GBP5: variants seen among roughly 807,000 people sequenced by gnomAD.
GBP5 encodes guanylate-binding protein 5.
Under a neutral mutation model 58.2 loss-of-function variants are expected in GBP5, and 48 were observed. The ratio of observed to expected loss-of-function variants is 0.83; its 90% CI spans 0.65 to 1.05. GBP5 has a LOEUF of 1.05. Ranked by LOEUF, GBP5 falls within the 50% of genes least tolerant of loss-of-function variation. The pLI is 0.00. For synonymous variants in GBP5, 248 were observed against 251.8 expected (o/e 0.98, Z 0.14); for missense variants, 714 against 686.8 (o/e 1.04, Z -0.44).
intron 11 of GBP5, 135 bp downstream of exon 11, chr1:89,262,085 T>G: frequency 2.5e-6 from 2 of 786,102 alleles, no homozygotes; most frequent in Non-Finnish European, 2.1e-6. Flanking sequence ...GAGGTGGAGC[T>G]TGGATTCATA....
chr1:89,267,179 C>A (rs1386865506), intron 5 of GBP5, 26 bp from the exon 6 acceptor site: 3 of 1,550,428 alleles, frequency 1.9e-6, no homozygotes, highest in Admixed American at 2.1e-5. Context: ...AGAAAACTGG[C>A]AGAAATAGGA....
At chr1:89,271,107 G>A (rs1650430169) in intron 1 of GBP5, 1 of 152,150 alleles carries the variant, frequency 6.6e-6, no homozygotes, top group Admixed American at 6.5e-5. Flanking sequence ...AAACATTATT[G>A]CAGATTTAAT....
chr1:89,262,518 T>C, intron 10 of GBP5, 117 bp from the exon 11 acceptor site: 1 of 1,020,488 alleles, frequency 9.8e-7, no homozygotes. Context: ...GTTTTTCCCT[T>C]CCAGGTAACC....
In GBP5 at chr1:89,262,420, TC is replaced by T; in HGVS notation, c.1466-20del. 1 of 1,607,024 alleles carries T rather than the reference TC, an allele frequency of 6.2e-7. No individual in the cohort carries two copies. The highest frequency in any genetic ancestry group is 8.5e-7 in the Non-Finnish European group (1 of 1,175,020). ...TGTGCCTCTGAGGAGAAAAAGATAA[TC>T]TTCTCTAGGATTAATGTGCCTCTTC... On this transcript the variant is annotated intron_variant, in intron 10 of 11. Transcript: ENST00000370459.
chr1:89,265,712 A>G (rs1037384365), intron 7 of GBP5, among the ~76,000 whole-genome samples: 11 of 133,248 alleles, frequency 8.3e-5, no homozygotes, highest in African/African-American at 3.3e-4. Flanking sequence ...TGGGCAACAG[A>G]GGGAGACTCC....
At position 89,269,635 on chromosome 1, in the gene GBP5, G is replaced by A. The variant is rs1032824756; in HGVS notation, c.-19-61C>T. ...GGTGTTTGTTTAATAAGCAAAGGAA[G>A]TCATTTTGCTTACTGAACCTGGGGA... is the stretch of plus-strand genomic sequence containing the variant. On this transcript the variant is annotated intron_variant, in intron 2 of 11. Coordinates refer to ENST00000370459, the MANE Select transcript of GBP5 (RefSeq NM_052942.5). 77 of 1,172,832 alleles carry A rather than the reference G, an allele frequency of 6.6e-5. 1 individual carries two copies. The highest frequency in any genetic ancestry group is 8.4e-5 in the Non-Finnish European group (68 of 806,400). 72.7% of individuals were successfully genotyped at this position (1,172,832 alleles called of 1,614,324 possible).
At chr1:89,263,590 T>A in intron 9 of GBP5, 146 bp downstream of exon 9, 1 of 592,016 alleles carries the variant, frequency 1.7e-6, no homozygotes, top group Non-Finnish European at 3.0e-6. Flanking sequence ...TGTTTTTCCA[T>A]AAATGCTTAT....
chr1:89,269,680 G>A, intron 2 of GBP5, 106 bp from the exon 3 acceptor site: 1 of 643,216 alleles, frequency 1.6e-6, no homozygotes, highest in Non-Finnish European at 2.6e-6. Flanking sequence ...CCCCAGCACT[G>A]CCTAAGTTTC....
At position 89,262,678 on chromosome 1, in the gene GBP5, C is replaced by G; in HGVS notation, c.1465+5G>C. 6.3e-7 allele frequency: 1 copy of G among 1,574,888 alleles called. No individual in the cohort carries two copies. Among genetic ancestry groups the G allele is most frequent in the Non-Finnish European group, 8.7e-7 (1 of 1,145,498 alleles). On this transcript the variant is annotated splice_donor_5th_base_variant and intron_variant, in intron 10 of 11. Coordinates refer to ENST00000370459, the MANE Select transcript of GBP5 (RefSeq NM_052942.5). The stretch of plus-strand genomic sequence containing the variant: ...TATCTTGCATAATTTCCACTTTCTT[C>G]TCACCTTTCTTCTTTTTTTCCGTCT...
intron 4 of GBP5, among the ~76,000 whole-genome samples, chr1:89,268,021 G>GA (rs199911148): frequency 1.3e-5 from 2 of 151,882 alleles, no homozygotes; most frequent in African/African-American, 4.8e-5. Flanking sequence ...CACACACACA[G>GA]AAAAAAAACA....
chr1:89,270,995 G>A (rs1650424227), intron 1 of GBP5, 133 bp from the exon 2 acceptor site: 1 of 152,198 alleles, frequency 6.6e-6, no homozygotes, highest in South Asian at 2.1e-4. Context: ...TCTTATGAAT[G>A]ACAATAGCAT....
chr1:89,268,406 G>C (rs1650309183), intron 4 of GBP5, among the ~76,000 whole-genome samples: 1 of 152,170 alleles, frequency 6.6e-6, no homozygotes, highest in South Asian at 2.1e-4. Flanking sequence ...TGGAACACAA[G>C]TTCATTTAAG....
At position 89,260,684 on chromosome 1, in the gene GBP5, A is replaced by G. The variant is rs1462457909; in HGVS notation, c.*20T>C. On this transcript the variant is annotated 3_prime_UTR_variant, in exon 12 of 12. Coordinates refer to ENST00000370459, the MANE Select transcript of GBP5 (RefSeq NM_052942.5). ...ATCAGTGACAAAGAGTAAAAAAAGG[A>G]AACTCCCATATTTAGCACTTTAGAG... 6.8e-7 allele frequency: 1 copy of G among 1,478,954 alleles called. No homozygotes were observed. Among genetic ancestry groups the G allele is most frequent in the Admixed American group, 1.7e-5 (1 of 58,780 alleles). The allele number at this position is 1,478,954 out of a possible 1,614,324, so 91.6% of individuals were successfully genotyped here. A position where few individuals can be genotyped will look rare whatever the true frequency, so the allele number is the denominator to read the frequency against.
Position 89,258,907 on chromosome 1 carries a change from T to C in GBP5, c.*1797A>G, listed in dbSNP as rs1649886032. 1 of 152,212 alleles carries C rather than the reference T, an allele frequency of 6.6e-6. No homozygotes were observed. Among genetic ancestry groups the C allele is most frequent in the South Asian group, 2.1e-4 (1 of 4,834 alleles). The allele number at this position is 152,212 out of a possible 1,614,324, so 9.4% of individuals were successfully genotyped here. On this transcript the variant is annotated 3_prime_UTR_variant, in exon 12 of 12. Coordinates refer to ENST00000370459, the MANE Select transcript of GBP5 (RefSeq NM_052942.5). ...TCCTTAGGGAAATTCAGTCTTTCTCTATAGACTTTTAACTTTGAGAAAAAT... is the reference window on the plus strand; with the variant it reads ...TCCTTAGGGAAATTCAGTCTTTCTCCATAGACTTTTAACTTTGAGAAAAAT...
chr1:89,262,935 A>G (rs1183287538), intron 9 of GBP5, 150 bp from the exon 10 acceptor site: 2 of 524,404 alleles, frequency 3.8e-6, no homozygotes, highest in Non-Finnish European at 6.7e-6. Context: ...GAGCCTATAC[A>G]GGCTTCCACC....
At chr1:89,264,060 T>C (rs1356612098) in intron 8 of GBP5, 112 bp from the exon 9 acceptor site, 1 of 686,314 alleles carries the variant, frequency 1.5e-6, no homozygotes, top group African/African-American at 1.8e-5. Flanking sequence ...GCAAGACACA[T>C]ATAAGCAAGA....
Position 89,264,827 on chromosome 1 carries a change from T to G in GBP5, c.1008A>C (p.Gln336His), listed in dbSNP as rs770529670. The G allele has an allele frequency of 1.2e-6, 2 of 1,614,218 alleles. No homozygotes were observed. Among genetic ancestry groups the G allele is most frequent in the Non-Finnish European group, 8.5e-7 (1 of 1,180,042 alleles). ...VQKAIAHYDQ[Q>H]MGQKVQLPME... ...TGGGCAGCTGCACTTTCTGGCCCAT[T>G]TGCTGGTCATAGTGGGCAATGGCCT... The change falls in exon 8 of 12, where the codon CAA (glutamine) becomes CAC (histidine). Residue 336 changes from glutamine to histidine, a missense_variant. Transcript: ENST00000370459.
At chr1:89,261,562 G>A (rs549221780) in intron 11 of GBP5, among the ~76,000 whole-genome samples, 1 of 152,286 alleles carries the variant, frequency 6.6e-6, no homozygotes, top group East Asian at 1.9e-4. Context: ...TATCTCATCT[G>A]AAAAATGAGG....
rs1650247120 is a variant in GBP5 at position 89,267,015 on chromosome 1, T to A, written c.567A>T (p.Ile189=). ...CATCTGGTGTGACAAGTTGCCCATCTATTTCCAGGCCTAAGCAGAAATCTC... is the reference window on the plus strand; with the variant it reads ...CATCTGGTGTGACAAGTTGCCCATCAATTTCCAGGCCTAAGCAGAAATCTC... ...TLRDFCLGLE[I]DGQLVTPDEY... The change falls in exon 6 of 12, where the codon ATA becomes ATT. Residue 189 remains isoleucine (I), a synonymous_variant. Transcript: ENST00000370459. 6.2e-7 allele frequency: 1 copy of A among 1,612,040 alleles called. No individual in the cohort carries two copies. The highest frequency in any genetic ancestry group is 8.5e-7 in the Non-Finnish European group (1 of 1,179,630).
Sources: gnomAD v4.1 joint callset for allele counts (sites outside exome capture counted in the v4.1 genomes callset) on GRCh38, gnomAD v4.1.1 for gene constraint, MANE v1.5 for transcripts, NCBI Gene and HGNC (gene_info 2026-07-23, HGNC 2026-07-21) for gene names.